Variants in GPC5 observed in about 807,000 individuals in gnomAD.
The protein encoded by GPC5 is glypican 5, also known as glypican-5.
GPC5 carries 47 observed loss-of-function variants against 53.9 expected under a neutral mutation model. That is an observed-to-expected ratio of 0.87 (90% CI 0.69 to 1.11). The LOEUF (loss-of-function observed/expected upper bound fraction) is 1.11. GPC5 is among the 50% of genes most tolerant of loss of function. The pLI, the probability that GPC5 is intolerant of heterozygous loss-of-function variation, is 0.00. For missense variants in GPC5, 748 were observed against 713.1 expected (o/e 1.05, Z -0.56); for synonymous variants, 286 against 263.3 (o/e 1.09, Z -0.84).
At chr13:92,648,066 T>G (rs1166416428) in intron 7 of GPC5, among the ~76,000 whole-genome samples, 2 of 152,058 alleles carry the variant, frequency 1.3e-5, no homozygotes, top group Non-Finnish European at 2.9e-5. Flanking sequence ...CTAAAATGCT[T>G]GTGAAACCTT....
chr13:92,201,092 A>G (rs1449760558), intron 7 of GPC5, among the ~76,000 whole-genome samples: 1 of 152,112 alleles, frequency 6.6e-6, no homozygotes, highest in African/African-American at 2.4e-5. Context: ...GAACGTCATC[A>G]TCTCTGGACT....
At chr13:91,839,903 T>C (rs1271447914) in intron 5 of GPC5, among the ~76,000 whole-genome samples, 1 of 152,178 alleles carries the variant, frequency 6.6e-6, no homozygotes. Context: ...TTAGACATCA[T>C]GGCAACGAAG....
intron 2 of GPC5, among the ~76,000 whole-genome samples, chr13:91,501,240 G>GTTTTTTT (rs140865584): frequency 3.8e-5 from 4 of 106,432 alleles, no homozygotes; most frequent in East Asian, 2.8e-4. Context: ...TTAAGACTTT[G>GTTTTTTT]TTTTTTTTTT....
intron 1 of GPC5, among the ~76,000 whole-genome samples, chr13:91,429,539 A>G (rs898597245): frequency 6.6e-6 from 1 of 152,212 alleles, no homozygotes; most frequent in Non-Finnish European, 1.5e-5. Context: ...ATATGGAAAG[A>G]TGATAGAATG....
chr13:92,018,354 CT>C (rs2040727399), intron 6 of GPC5, among the ~76,000 whole-genome samples: 1 of 151,844 alleles, frequency 6.6e-6, no homozygotes, highest in African/African-American at 2.4e-5. Flanking sequence ...AGTTTAATGG[CT>C]TTATGTAGAT....
intron 7 of GPC5, among the ~76,000 whole-genome samples, chr13:92,287,007 T>C (rs2042960445): frequency 6.6e-6 from 1 of 152,164 alleles, no homozygotes; most frequent in South Asian, 2.1e-4. Flanking sequence ...AAACCAACCA[T>C]GTTGTCACCT....
At chr13:91,540,679 G>T (rs542523190) in intron 2 of GPC5, among the ~76,000 whole-genome samples, 1 of 152,304 alleles carries the variant, frequency 6.6e-6, no homozygotes, top group East Asian at 1.9e-4. Flanking sequence ...GGACTTGGAA[G>T]GTTGAGCAAA....
Position 91,756,315 on chromosome 13 carries a change from G to A in GPC5, c.1175G>A (p.Arg392Gln), listed in dbSNP as rs765214865. ...TTTAGAGAATTTATCAACAGCCTTC[G>A]ACTGTACAGGTCATTCTATGGAGGT... ...NRRKEFINSL[R>Q]LYRSFYGGLA... Residue 392 changes from arginine (R) to glutamine (Q), a missense_variant, in exon 5 of 8, where the codon CGA becomes CAA. Transcript: ENST00000377067. 4 of 1,540,260 alleles carry A rather than the reference G, an allele frequency of 2.6e-6. No individual in the cohort carries two copies. The highest frequency in any genetic ancestry group is 3.5e-6 in the Non-Finnish European group (4 of 1,131,546).
At chr13:91,852,260 G>A (rs2038922765) in intron 5 of GPC5, among the ~76,000 whole-genome samples, 3 of 146,494 alleles carry the variant, frequency 2.0e-5, no homozygotes, top group Admixed American at 6.8e-5. Context: ...ATGTTATTTT[G>A]TTAAAAACTA....
intron 7 of GPC5, among the ~76,000 whole-genome samples, chr13:92,810,423 T>C (rs1280622435): frequency 6.6e-6 from 1 of 151,934 alleles, no homozygotes; most frequent in Non-Finnish European, 1.5e-5. Context: ...AAAATGATTT[T>C]TTCCTGTGGT....
intron 7 of GPC5, among the ~76,000 whole-genome samples, chr13:92,379,441 C>T (rs2043720178): frequency 6.6e-6 from 1 of 152,182 alleles, no homozygotes; most frequent in Non-Finnish European, 1.5e-5. Context: ...GAGGCAAAAG[C>T]CATTTGCACG....
intron 7 of GPC5, among the ~76,000 whole-genome samples, chr13:92,349,603 A>G (rs923717719): frequency 1.6e-4 from 25 of 152,088 alleles, no homozygotes; most frequent in African/African-American, 5.8e-4. Context: ...ATCATAAGCA[A>G]CTATTATAAA....
rs771065016 is a variant in GPC5 at position 92,811,835 on chromosome 13, TC to T, written c.1562-54443del. ...TACTTTTGAGTATGGAAATCTCGTT[TC>T]CCCAGCAATGTCTGTTGAAGATACT... On this transcript the variant is annotated intron_variant, in intron 7 of 7. Coordinates refer to ENST00000377067, the MANE Select transcript of GPC5 (RefSeq NM_004466.6). Among the ~76,000 whole-genome samples, 87 of 152,076 alleles carry T rather than the reference TC, an allele frequency of 5.7e-4. 1 individual carries two copies. The highest frequency in any genetic ancestry group is 1.9e-3 in the African/African-American group (79 of 41,396).
intron 7 of GPC5, among the ~76,000 whole-genome samples, chr13:92,860,854 A>G (rs1342835277): frequency 6.6e-6 from 1 of 152,052 alleles, no homozygotes; most frequent in Non-Finnish European, 1.5e-5. Context: ...TTGTTTTTAT[A>G]TTAAAAGACA....
chr13:91,504,321 G>T lies in GPC5; in HGVS notation c.325+55399G>T, dbSNP rs72641409. ...CATTTATATCTCTGAAATACCAAAA[G>T]AATTTTTAATAAAGTCAGGAAGAAT... On this transcript the variant is annotated intron_variant, in intron 2 of 7. Transcript: ENST00000377067. 7.9e-3 allele frequency among the ~76,000 whole-genome samples: 1,207 copies of T among 151,924 alleles called. 8 individuals carry two copies. The highest frequency in any genetic ancestry group is 0.026 in the South Asian group (125 of 4,810).
intron 5 of GPC5, among the ~76,000 whole-genome samples, chr13:91,824,717 T>C (rs117924867): frequency 3.2e-4 from 48 of 152,210 alleles, no homozygotes; most frequent in Non-Finnish European, 6.3e-4. Context: ...CTTAATATTA[T>C]TGAGATTGTT....
intron 5 of GPC5, among the ~76,000 whole-genome samples, chr13:91,867,830 G>T (rs994278036): frequency 6.6e-6 from 1 of 152,096 alleles, no homozygotes; most frequent in Non-Finnish European, 1.5e-5. Flanking sequence ...ACGAACAATT[G>T]TATAGCATTT....
chr13:92,178,882 A>G (rs981541861), intron 7 of GPC5, among the ~76,000 whole-genome samples: 1 of 152,132 alleles, frequency 6.6e-6, no homozygotes, highest in African/African-American at 2.4e-5. Context: ...GAAGCAGGAG[A>G]ATCGCTTGAA....
chr13:92,510,141 C>T (rs545841125), intron 7 of GPC5: 1 of 152,224 alleles, frequency 6.6e-6, no homozygotes, highest in Non-Finnish European at 1.5e-5. Flanking sequence ...ATTTCTTATA[C>T]ACACTGCTTT....
Sources: gnomAD v4.1 joint callset for allele counts (sites outside exome capture counted in the v4.1 genomes callset) on GRCh38, gnomAD v4.1.1 for gene constraint, MANE v1.5 for transcripts, NCBI Gene and HGNC (gene_info 2026-07-23, HGNC 2026-07-21) for gene names.